Variants in ZDHHC13 observed in about 807,000 individuals in gnomAD.
ZDHHC13 encodes palmitoyltransferase ZDHHC13.
Under a neutral mutation model 86.0 loss-of-function variants are expected in ZDHHC13, and 85 were observed. The observed-to-expected ratio is 0.99, with a 90% confidence interval of 0.83 to 1.18. The LOEUF is 1.18. Ranked by LOEUF, ZDHHC13 falls within the 50% of genes most tolerant of loss-of-function variation. The pLI is 0.00. For missense variants in ZDHHC13, 711 were observed against 730.2 expected (o/e 0.97, Z 0.30); for synonymous variants, 263 against 246.4 (o/e 1.07, Z -0.63).
intron 9 of ZDHHC13, among the ~76,000 whole-genome samples, chr11:19,157,690 G>A (rs1849795864): frequency 6.6e-6 from 1 of 152,340 alleles, no homozygotes; most frequent in South Asian, 2.1e-4. Context: ...CAGAGAGGAA[G>A]CAAGGGCTGG....
chr11:19,158,466 T>C (rs944659094), intron 9 of ZDHHC13, among the ~76,000 whole-genome samples: 1 of 152,156 alleles, frequency 6.6e-6, no homozygotes, highest in Non-Finnish European at 1.5e-5. Context: ...ATAGGATGAA[T>C]GTGCTTAAGG....
At chr11:19,173,986 A>G (rs1394959191) in intron 16 of ZDHHC13, among the ~76,000 whole-genome samples, 1 of 152,192 alleles carries the variant, frequency 6.6e-6, no homozygotes, top group Non-Finnish European at 1.5e-5. Context: ...CCCAAACCAA[A>G]GATTTTACTT....
chr11:19,149,229 T>C lies in ZDHHC13; in HGVS notation c.417T>C (p.Gly139=). The C allele has an allele frequency of 6.2e-7, 1 of 1,605,356 alleles. No homozygotes were observed. Among genetic ancestry groups the C allele is most frequent in the Non-Finnish European group, 8.5e-7 (1 of 1,174,906 alleles). ...TGGTCATATTATTACTCCAGCATGGTGCAGACCCCACTCTTATTGATGGAG... is the reference window on the plus strand; with the variant it reads ...TGGTCATATTATTACTCCAGCATGGCGCAGACCCCACTCTTATTGATGGAG... The part of the protein sequence containing the change: ...LPMVILLLQH[G]ADPTLIDGEG... Residue 139 remains glycine (G), a synonymous_variant, in exon 5 of 17, where the codon GGT becomes GGC. Coordinates refer to ENST00000446113, the MANE Select transcript of ZDHHC13 (RefSeq NM_019028.3).
intron 7 of ZDHHC13, 76 bp downstream of exon 7, chr11:19,152,396 C>G (rs1849636072): frequency 6.6e-7 from 1 of 1,521,558 alleles, no homozygotes; most frequent in Non-Finnish European, 8.8e-7. Context: ...TAAAGATAAG[C>G]TATATAATTG....
At chr11:19,139,734 A>G (rs1353582366) in intron 1 of ZDHHC13, among the ~76,000 whole-genome samples, 1 of 146,454 alleles carries the variant, frequency 6.8e-6, no homozygotes, top group Non-Finnish European at 1.5e-5. Flanking sequence ...TCAATGGAAC[A>G]GAACAGAGCC....
At chr11:19,164,405 G>GACTTTGCTT in intron 12 of ZDHHC13, 42 bp downstream of exon 12, 1 of 1,581,518 alleles carries the variant, frequency 6.3e-7, no homozygotes, top group Non-Finnish European at 8.7e-7. Context: ...TGAAAGCAAA[G>GACTTTGCTT]TCTTGGTAAC....
At chr11:19,132,761 G>GTTTT (rs1223465469) in intron 1 of ZDHHC13, among the ~76,000 whole-genome samples, 4 of 152,004 alleles carry the variant, frequency 2.6e-5, no homozygotes, top group African/African-American at 9.7e-5. Flanking sequence ...TATTTGTTTT[G>GTTTT]TTTTGTTTTT....
chr11:19,124,228 A>G (rs1205208857), intron 1 of ZDHHC13, among the ~76,000 whole-genome samples: 1 of 152,174 alleles, frequency 6.6e-6, no homozygotes. Context: ...GAGAAAAGCA[A>G]GTTGAAGAAT....
chr11:19,119,862 T>A (rs2133352205), intron 1 of ZDHHC13, among the ~76,000 whole-genome samples: 1 of 152,320 alleles, frequency 6.6e-6, no homozygotes, highest in Admixed American at 6.5e-5. Flanking sequence ...CTCTGGTACT[T>A]CTGTTAATGA....
chr11:19,127,993 CT>C (rs1435786251), intron 1 of ZDHHC13, among the ~76,000 whole-genome samples: 1 of 152,046 alleles, frequency 6.6e-6, no homozygotes, highest in Non-Finnish European at 1.5e-5. Flanking sequence ...TGAAGAATGT[CT>C]TTGGTAATTT....
intron 1 of ZDHHC13, among the ~76,000 whole-genome samples, chr11:19,129,898 C>T (rs1848954034): frequency 6.6e-6 from 1 of 152,094 alleles, no homozygotes; most frequent in Admixed American, 6.5e-5. Context: ...CGAGACCATC[C>T]TGGCTAACAC....
chr11:19,117,835 G>C lies in ZDHHC13; in HGVS notation c.27+559G>C, dbSNP rs1028022973. On this transcript the variant is annotated intron_variant, in intron 1 of 16. Transcript: ENST00000446113. The surrounding 1 kb of genome is among the most constrained non-coding windows in gnomAD (Gnocchi z 4.2). Reference sequence around the variant, plus strand: ...GTGGAGAGGGGAGGTACACCACAGCGATCTGCAGAATCTCAAAGGACAATA... The same window carrying C: ...GTGGAGAGGGGAGGTACACCACAGCCATCTGCAGAATCTCAAAGGACAATA... 5 of 152,492 alleles carry C rather than the reference G, an allele frequency of 3.3e-5. No homozygotes were observed. Among genetic ancestry groups the C allele is most frequent in the African/African-American group, 1.2e-4 (5 of 41,468 alleles). The allele number at this position is 152,492 out of a possible 1,614,324, so 9.4% of individuals were successfully genotyped here.
intron 12 of ZDHHC13, chr11:19,164,730 C>A: frequency 4.8e-6 from 2 of 414,380 alleles, no homozygotes; most frequent in Non-Finnish European, 8.7e-6. Context: ...GTAAATTCTC[C>A]CAAATTATTG....
intron 1 of ZDHHC13, chr11:19,118,005 A>G (rs1433869424): frequency 6.6e-6 from 1 of 152,258 alleles, no homozygotes; most frequent in East Asian, 1.9e-4. Flanking sequence ...CCTAGTGCCT[A>G]GAGTACTGAC....
At chr11:19,161,198 A>C (rs1029646173) in intron 10 of ZDHHC13, among the ~76,000 whole-genome samples, 6 of 152,000 alleles carry the variant, frequency 3.9e-5, no homozygotes, top group Admixed American at 6.6e-5. Context: ...TTCCGCAGAT[A>C]CTGGCCTATT....
At chr11:19,128,248 G>A (rs942223726) in intron 1 of ZDHHC13, among the ~76,000 whole-genome samples, 1 of 151,832 alleles carries the variant, frequency 6.6e-6, no homozygotes, top group African/African-American at 2.4e-5. Context: ...TTTGGCTCTT[G>A]GCTTGATAGT....
At position 19,176,105 on chromosome 11, in the gene ZDHHC13, C is replaced by T; in HGVS notation, c.*145C>T. ...AAAGCCATTAGGTAAAAAAAGTTCTCAATAAAGGCATTACAATTTTTTAGG... is the reference window on the plus strand; with the variant it reads ...AAAGCCATTAGGTAAAAAAAGTTCTTAATAAAGGCATTACAATTTTTTAGG... On this transcript the variant is annotated 3_prime_UTR_variant, in exon 17 of 17. Coordinates refer to ENST00000446113, the MANE Select transcript of ZDHHC13 (RefSeq NM_019028.3). 1.3e-6 allele frequency: 1 copy of T among 780,038 alleles called. No homozygotes were observed. The highest frequency in any genetic ancestry group is 1.8e-6 in the Non-Finnish European group (1 of 545,968). The allele number at this position is 780,038 out of a possible 1,614,324, so 48.3% of individuals were successfully genotyped here.
At chr11:19,133,756 T>C (rs1827485145) in intron 1 of ZDHHC13, among the ~76,000 whole-genome samples, 1 of 151,796 alleles carries the variant, frequency 6.6e-6, no homozygotes, top group African/African-American at 2.4e-5. Flanking sequence ...AAAGTAATTA[T>C]AACTGAAGTC....
In ZDHHC13 at chr11:19,176,097, A is replaced by G. The variant is rs1430524862; in HGVS notation, c.*137A>G. The G allele has an allele frequency of 1.0e-6, 1 of 970,604 alleles. No individual in the cohort carries two copies. Among genetic ancestry groups the G allele is most frequent in the Non-Finnish European group, 1.4e-6 (1 of 707,636 alleles). 60.1% of individuals were successfully genotyped at this position (970,604 alleles called of 1,614,324 possible). A position where few individuals can be genotyped will look rare whatever the true frequency, so the allele number is the denominator to read the frequency against. Reference sequence around the variant, plus strand: ...TGGTTTTTAAAGCCATTAGGTAAAAAAAGTTCTCAATAAAGGCATTACAAT... The same window carrying G: ...TGGTTTTTAAAGCCATTAGGTAAAAGAAGTTCTCAATAAAGGCATTACAAT... On this transcript the variant is annotated 3_prime_UTR_variant, in exon 17 of 17. Coordinates refer to ENST00000446113, the MANE Select transcript of ZDHHC13 (RefSeq NM_019028.3).
Sources: gnomAD v4.1 joint callset for allele counts (sites outside exome capture counted in the v4.1 genomes callset) on GRCh38, gnomAD v4.1.1 for gene constraint, Gnocchi (gnomAD v3.1) non-coding constraint, MANE v1.5 for transcripts, NCBI Gene and HGNC (gene_info 2026-07-23, HGNC 2026-07-21) for gene names.